Variants in ACTR6 observed in about 807,000 individuals in gnomAD.
The protein encoded by ACTR6 is actin-related protein 6.
In ACTR6, 50 loss-of-function variants were observed where a neutral mutation model predicts 52.5. That is an observed-to-expected ratio of 0.95 (90% CI 0.76 to 1.20). The LOEUF is 1.20. Ranked by LOEUF, ACTR6 falls within the 50% of genes most tolerant of loss-of-function variation. The pLI, the probability that ACTR6 is intolerant of heterozygous loss-of-function variation, is 0.00. For missense variants in ACTR6, 344 were observed against 472.4 expected (o/e 0.73, Z 2.52); for synonymous variants, 135 against 147.2 (o/e 0.92, Z 0.60).
chr12:100,210,270 T>A (rs975931987), intron 5 of ACTR6, 25 bp from the exon 6 acceptor site: 4 of 1,612,654 alleles, frequency 2.5e-6, no homozygotes, highest in African/African-American at 1.3e-5. Context: ...TGTGCGATAA[T>A]TAAATTTGAG....
chr12:100,208,151 C>CA (rs879868740), intron 4 of ACTR6, among the ~76,000 whole-genome samples: 54 of 140,034 alleles, frequency 3.9e-4, no homozygotes, highest in South Asian at 6.7e-4. Flanking sequence ...ATCCTGTCTC[C>CA]AAAAAAAAAA....
Position 100,218,445 on chromosome 12 carries a change from T to C in ACTR6, c.781T>C (p.Tyr261His). The C allele has an allele frequency of 6.2e-7, 1 of 1,610,850 alleles. No individual in the cohort carries two copies. Among genetic ancestry groups the C allele is most frequent in the Non-Finnish European group, 8.5e-7 (1 of 1,178,732 alleles). Residue 261 changes from tyrosine (Y) to histidine (H), a missense_variant, in exon 9 of 11, where the codon TAC becomes CAC. Transcript: ENST00000188312. The surrounding 1 kb of genome is among the most constrained non-coding windows in gnomAD (Gnocchi z 4.2). ...GGAAGAGATGGTGTTGAGTGGAAAA[T>C]ACAAATCTGGGGAACAAATTCTTCG... ...PREEMVLSGKYKSGEQILRLA... is the reference protein window; with the variant it reads ...PREEMVLSGKHKSGEQILRLA...
chr12:100,204,758 C>T (rs2096113127), intron 1 of ACTR6, among the ~76,000 whole-genome samples, 182 bp from the exon 2 acceptor site: 1 of 152,234 alleles, frequency 6.6e-6, no homozygotes, highest in Non-Finnish European at 1.5e-5. Flanking sequence ...TCCCAAAGTG[C>T]TGGGATTATA....
chr12:100,206,834 CT>C (rs757011274), intron 3 of ACTR6, among the ~76,000 whole-genome samples: 15,641 of 128,690 alleles, frequency 0.12, 914 homozygotes, highest in Middle Eastern at 0.18. Flanking sequence ...ACACCTGGCT[CT>C]TTTTTTTTTT....
rs1290023953 is a variant in ACTR6 at position 100,212,316 on chromosome 12, T to C, written c.633T>C (p.Tyr211=). 1.9e-6 allele frequency: 3 copies of C among 1,612,546 alleles called. No homozygotes were observed. The highest frequency in any genetic ancestry group is 3.3e-5 in the Admixed American group (2 of 59,828). Residue 211 remains tyrosine, a synonymous_variant, in exon 7 of 11, where the codon TAT becomes TAC. Coordinates refer to ENST00000188312, the MANE Select transcript of ACTR6 (RefSeq NM_022496.5). ...VINQVKEDVC[Y]VSQDFYRDMD... Reference sequence around the variant, plus strand: ...ATCAAGTGAAAGAAGATGTATGCTATGTGTCTCAGGATTTTTATAGAGACA... The same window carrying C: ...ATCAAGTGAAAGAAGATGTATGCTACGTGTCTCAGGATTTTTATAGAGACA...
At chr12:100,205,369 T>C (rs1354920739) in intron 2 of ACTR6, 6 of 285,614 alleles carry the variant, frequency 2.1e-5, no homozygotes, top group Non-Finnish European at 3.8e-5. Flanking sequence ...ATTTGTGAGT[T>C]TGTTTTTTAA....
intron 1 of ACTR6, 125 bp downstream of exon 1, chr12:100,201,044 T>G (rs2096109254): frequency 6.4e-7 from 1 of 1,556,484 alleles, no homozygotes; most frequent in Non-Finnish European, 8.7e-7. Flanking sequence ...CCAGAGGGAT[T>G]CCCTGGTTGG....
chr12:100,202,782 G>A (rs969132717), intron 1 of ACTR6, among the ~76,000 whole-genome samples: 1 of 152,106 alleles, frequency 6.6e-6, no homozygotes, highest in South Asian at 2.1e-4. Flanking sequence ...GCGTGGGCCT[G>A]GGAGGCGGAG....
At chr12:100,207,206 G>A (rs544350081) in intron 3 of ACTR6, among the ~76,000 whole-genome samples, 3 of 151,898 alleles carry the variant, frequency 2.0e-5, no homozygotes, top group East Asian at 1.9e-4. Flanking sequence ...GGCATGCACC[G>A]CCATGCCCTG....
chr12:100,204,108 A>G (rs542153547), intron 1 of ACTR6: 1 of 152,370 alleles, frequency 6.6e-6, no homozygotes, highest in South Asian at 2.1e-4. Flanking sequence ...GAAAGGATCC[A>G]GTATAGAACT....
rs551109103 is a variant in ACTR6 at position 100,211,458 on chromosome 12, A to G, written c.573-798A>G. ...GGCTAATTTTTGTATTTTTTTGTAG[A>G]AACAGGTTCTCACTATGTTGCCCAA... is the stretch of plus-strand genomic sequence containing the variant. On this transcript the variant is annotated intron_variant, in intron 6 of 10. Transcript: ENST00000188312. 6.6e-5 allele frequency among the ~76,000 whole-genome samples: 10 copies of G among 152,170 alleles called. No homozygotes were observed. The South Asian group carries it at 1.7e-3, about 25-fold the overall frequency.
chr12:100,205,164 T>A, intron 2 of ACTR6, 107 bp downstream of exon 2: 5 of 591,932 alleles, frequency 8.4e-6, no homozygotes, highest in Admixed American at 3.4e-5. Flanking sequence ...AACTACAACC[T>A]AATTAAACCC....
At chr12:100,203,008 T>G (rs1303270530) in intron 1 of ACTR6, among the ~76,000 whole-genome samples, 3 of 152,188 alleles carry the variant, frequency 2.0e-5, no homozygotes, top group African/African-American at 7.2e-5. Flanking sequence ...GAAACTATTC[T>G]CAGGTATTAG....
At chr12:100,222,899 CTA>C (rs60265919) in intron 10 of ACTR6, among the ~76,000 whole-genome samples, 2,339 of 152,286 alleles carry the variant, frequency 0.015, 69 homozygotes, top group African/African-American at 0.053. Flanking sequence ...TTATCATACA[CTA>C]TGTTTTCTGT....
intron 2 of ACTR6, 115 bp downstream of exon 2, chr12:100,205,172 C>T: frequency 1.6e-6 from 1 of 608,896 alleles, no homozygotes; most frequent in Non-Finnish European, 2.7e-6. Flanking sequence ...CCTAATTAAA[C>T]CCAAATTAAA....
chr12:100,205,047 CT>C lies in ACTR6; in HGVS notation c.180del (p.Gln61LysfsTer6). The C allele has an allele frequency of 6.4e-7, 1 of 1,563,644 alleles. No homozygotes were observed. The highest frequency in any genetic ancestry group is 8.7e-7 in the Non-Finnish European group (1 of 1,142,878). On this transcript the variant is annotated frameshift_variant, in exon 2 of 11. Transcript: ENST00000188312. LOFTEE classifies it high-confidence loss of function. ...KDPSGLFYIL[P>X]FQKGYLVNWD... Reference sequence around the variant, plus strand: ...CCTTCTGGACTCTTTTACATCCTCCCTTTTCAAAAGGTAATCCAATTAATTA... The same window carrying C: ...CCTTCTGGACTCTTTTACATCCTCCCTTTCAAAAGGTAATCCAATTAATTA...
chr12:100,222,328 G>A (rs1264061330), intron 10 of ACTR6, among the ~76,000 whole-genome samples: 1 of 149,228 alleles, frequency 6.7e-6, no homozygotes. Context: ...TATGATCACG[G>A]CTCACTGCAC....
intron 6 of ACTR6, among the ~76,000 whole-genome samples, chr12:100,210,918 C>A (rs1014450776): frequency 2.1e-4 from 32 of 152,230 alleles, no homozygotes; most frequent in African/African-American, 7.2e-4. Context: ...CTGACTGTGT[C>A]GCTGACCCCT....
chr12:100,212,772 G>A (rs1241634874), intron 8 of ACTR6, among the ~76,000 whole-genome samples: 1 of 152,086 alleles, frequency 6.6e-6, no homozygotes, highest in Non-Finnish European at 1.5e-5. Context: ...TTGGGAGGCT[G>A]AGGCAGGTGG....
Sources: gnomAD v4.1 joint callset for allele counts (sites outside exome capture counted in the v4.1 genomes callset) on GRCh38, gnomAD v4.1.1 for gene constraint, Gnocchi (gnomAD v3.1) non-coding constraint, MANE v1.5 for transcripts, NCBI Gene and HGNC (gene_info 2026-07-23, HGNC 2026-07-21) for gene names.